The following CAST variants were observed in gnomAD, a reference collection of about 807,000 sequenced individuals.
CAST encodes MIR583 host.
A neutral mutation model predicts 119.6 loss-of-function variants in CAST; 76 were observed. The ratio of observed to expected loss-of-function variants is 0.64; its 90% CI spans 0.53 to 0.77. The LOEUF is 0.77. CAST is among the 30% of genes least tolerant of loss of function. CAST has a pLI of 0.00. For synonymous variants in CAST, 319 were observed against 331.6 expected, an observed-to-expected ratio of 0.96 and a Z score of 0.41; for missense variants, 953 against 946.5, an observed-to-expected ratio of 1.01 and a Z score of -0.09.
chr5:96,420,672 G>A, the CAST span, among the ~76,000 whole-genome samples: 1 of 137,512 alleles, frequency 7.3e-6, no homozygotes, highest in Non-Finnish European at 1.5e-5. Flanking sequence ...ACTATCCAAA[G>A]AAAGAAATAA....
chr5:96,449,046 C>T, the CAST span, among the ~76,000 whole-genome samples: 4 of 152,190 alleles, frequency 2.6e-5, no homozygotes, highest in Admixed American at 6.5e-5. Flanking sequence ...AATCATCCCA[C>T]TTTCATAGCT....
upstream of CAST, among the ~76,000 whole-genome samples, chr5:96,528,649 T>C (rs1561407222): frequency 6.6e-6 from 1 of 152,224 alleles, no homozygotes; most frequent in Non-Finnish European, 1.5e-5. Context: ...ATAGCTCTTA[T>C]TACTACATCA....
At chr5:96,044,887 C>T in the CAST span, among the ~76,000 whole-genome samples, 1 of 152,108 alleles carries the variant, frequency 6.6e-6, no homozygotes, top group East Asian at 1.9e-4. Flanking sequence ...ATATATAATT[C>T]TATTTACAAA....
chr5:96,733,099 C>T (rs920045801), intron 9 of CAST, among the ~76,000 whole-genome samples: 3 of 152,090 alleles, frequency 2.0e-5, no homozygotes, highest in Admixed American at 2.0e-4. Flanking sequence ...ATTATTTTAT[C>T]CAAATTAATA....
intron 1 of CAST, among the ~76,000 whole-genome samples, chr5:96,617,624 C>T (rs948437041): frequency 1.3e-5 from 2 of 150,982 alleles, no homozygotes; most frequent in Non-Finnish European, 1.5e-5. Flanking sequence ...CCCGTCTCTA[C>T]TAAAAATACA....
the CAST span, among the ~76,000 whole-genome samples, chr5:96,422,109 G>A: frequency 1.4e-4 from 21 of 150,968 alleles, no homozygotes; most frequent in African/African-American, 5.1e-4. Context: ...CCGAGTCACT[G>A]AATATTTATT....
the CAST span, among the ~76,000 whole-genome samples, chr5:96,291,166 C>T: frequency 0.27 from 40,336 of 152,094 alleles, 5,671 homozygotes; most frequent in Middle Eastern, 0.31. Flanking sequence ...AATCTTGACT[C>T]TTGAGAGAGC....
intron 1 of CAST, among the ~76,000 whole-genome samples, 198 bp downstream of exon 1, chr5:96,662,695 G>C (rs1248000172): frequency 2.9e-5 from 4 of 136,114 alleles, no homozygotes; most frequent in Non-Finnish European, 4.7e-5. Context: ...GCCGGGTCCA[G>C]TGCGCTGGGC....
At chr5:96,146,560 A>C in the CAST span, among the ~76,000 whole-genome samples, 2 of 152,272 alleles carry the variant, frequency 1.3e-5, no homozygotes, top group Admixed American at 1.3e-4. Context: ...AGGACCAGGA[A>C]AAGTGAGAAC....
chr5:96,000,027 A>G, the CAST span, among the ~76,000 whole-genome samples: 1 of 152,154 alleles, frequency 6.6e-6, no homozygotes, highest in Admixed American at 6.5e-5. Flanking sequence ...TCATATTGTT[A>G]TTAGCCATTA....
intron 1 of CAST, among the ~76,000 whole-genome samples, chr5:96,642,615 C>A (rs1469316558): frequency 6.6e-6 from 1 of 151,030 alleles, no homozygotes; most frequent in Non-Finnish European, 1.5e-5. Flanking sequence ...GATCTCGGCT[C>A]AGTGCAACCT....
intron 9 of CAST, among the ~76,000 whole-genome samples, chr5:96,731,129 T>C (rs1760387579): frequency 6.6e-6 from 1 of 152,198 alleles, no homozygotes; most frequent in Non-Finnish European, 1.5e-5. Context: ...GTGAGTTGAC[T>C]CAGACTCTCC....
At chr5:96,417,549 G>T in the CAST span, among the ~76,000 whole-genome samples, 1 of 151,888 alleles carries the variant, frequency 6.6e-6, no homozygotes, top group South Asian at 2.1e-4. Flanking sequence ...GAGTCATATG[G>T]GTCTTGCTCT....
At chr5:96,226,335 G>C in the CAST span, among the ~76,000 whole-genome samples, 1 of 152,142 alleles carries the variant, frequency 6.6e-6, no homozygotes, top group South Asian at 2.1e-4. Context: ...AGCCTTCTGG[G>C]AGAAGGCAAA....
chr5:96,358,084 T>C, the CAST span, among the ~76,000 whole-genome samples: 1 of 152,200 alleles, frequency 6.6e-6, no homozygotes, highest in Non-Finnish European at 1.5e-5. Flanking sequence ...CAGGAATTTA[T>C]CCATTTCTTC....
At chr5:96,253,536 T>C in the CAST span, among the ~76,000 whole-genome samples, 2 of 152,128 alleles carry the variant, frequency 1.3e-5, no homozygotes, top group Non-Finnish European at 2.9e-5. Flanking sequence ...ACAAAGTTAA[T>C]GGCTTGTGTT....
chr5:96,490,860 T>C, the CAST span, among the ~76,000 whole-genome samples: 6 of 151,750 alleles, frequency 4.0e-5, no homozygotes, highest in African/African-American at 1.5e-4. Context: ...ATACAAAAGG[T>C]ACCAGAAATT....
At chr5:95,998,669 T>C in the CAST span, among the ~76,000 whole-genome samples, 2 of 152,174 alleles carry the variant, frequency 1.3e-5, no homozygotes, top group Non-Finnish European at 2.9e-5. Flanking sequence ...GATAAATACT[T>C]AGGTTGATTT....
the CAST span, among the ~76,000 whole-genome samples, chr5:96,507,074 G>A: frequency 6.6e-6 from 1 of 152,092 alleles, no homozygotes; most frequent in Non-Finnish European, 1.5e-5. Context: ...GTGGGGTGAG[G>A]GTGGAGGGGA....
Sources: gnomAD v4.1 joint callset for allele counts (sites outside exome capture counted in the v4.1 genomes callset) on GRCh38, gnomAD v4.1.1 for gene constraint, MANE v1.5 for transcripts, NCBI Gene and HGNC (gene_info 2026-07-23, HGNC 2026-07-21) for gene names.